The following CNTNAP2 variants were observed in gnomAD, a reference collection of about 807,000 sequenced individuals.
The protein encoded by CNTNAP2 is contactin-associated protein-like 2.
In CNTNAP2, 98 loss-of-function variants were observed where a neutral mutation model predicts 155.2. The observed-to-expected ratio is 0.63, with a 90% CI of 0.54 to 0.75. CNTNAP2 has a LOEUF of 0.75. Among genes scored for constraint, CNTNAP2 ranks in the 30% least tolerant of loss-of-function variants. CNTNAP2 has a pLI of 0.00. For missense variants in CNTNAP2, 1,727 were observed against 1,688.1 expected, an observed-to-expected ratio of 1.02 and a Z score of -0.40; for synonymous variants, 651 against 631.2, an observed-to-expected ratio of 1.03 and a Z score of -0.47.
chr7:146,327,161 GA>G (rs561088455), intron 1 of CNTNAP2, among the ~76,000 whole-genome samples: 2 of 151,510 alleles, frequency 1.3e-5, no homozygotes, highest in Non-Finnish European at 2.9e-5. Flanking sequence ...GGTATTTGAA[GA>G]AAAAAAAGAA....
chr7:147,880,480 G>A (rs765567166), intron 13 of CNTNAP2, among the ~76,000 whole-genome samples: 2 of 152,110 alleles, frequency 1.3e-5, no homozygotes, highest in Non-Finnish European at 2.9e-5. Context: ...TGATTTAAAC[G>A]TACAAATGAG....
At chr7:146,646,226 A>G (rs1178521602) in intron 1 of CNTNAP2, among the ~76,000 whole-genome samples, 1 of 152,170 alleles carries the variant, frequency 6.6e-6, no homozygotes, top group Non-Finnish European at 1.5e-5. Flanking sequence ...AATGTAGTTC[A>G]TGAACATGTT....
chr7:147,083,541 T>C (rs11977324), intron 4 of CNTNAP2, among the ~76,000 whole-genome samples: 64 of 129,222 alleles, frequency 5.0e-4, no homozygotes, highest in Admixed American at 3.1e-3. Context: ...TATATACATA[T>C]ATATATATGT....
chr7:148,297,448 GTAGAACA>G (rs1797306743), intron 21 of CNTNAP2, among the ~76,000 whole-genome samples: 1 of 152,198 alleles, frequency 6.6e-6, no homozygotes, highest in South Asian at 2.1e-4. Context: ...CCCACCTGTA[GTAGAACA>G]AATGTGGGAT....
intron 1 of CNTNAP2, among the ~76,000 whole-genome samples, chr7:146,605,055 C>A (rs1202996803): frequency 7.0e-6 from 1 of 143,258 alleles, no homozygotes; most frequent in Non-Finnish European, 1.5e-5. Context: ...GCACATGTAC[C>A]CTAAAACTTA....
chr7:146,626,559 A>G (rs1563162428), intron 1 of CNTNAP2, among the ~76,000 whole-genome samples: 1 of 152,178 alleles, frequency 6.6e-6, no homozygotes, highest in Non-Finnish European at 1.5e-5. Context: ...ACTTACTGGT[A>G]GTGAGCATAT....
At position 147,219,223 on chromosome 7, in the gene CNTNAP2, G is replaced by A. The variant is rs377639629; in HGVS notation, c.1349-80918G>A. On this transcript the variant is annotated intron_variant, in intron 8 of 23. Coordinates refer to ENST00000361727, the MANE Select transcript of CNTNAP2 (RefSeq NM_014141.6). Reference sequence around the variant, plus strand: ...AAGGGACAGAACTAATAGGCTATATGTATATATGAAGGGGAGTTTATTAGG... The same window carrying A: ...AAGGGACAGAACTAATAGGCTATATATATATATGAAGGGGAGTTTATTAGG... Among the ~76,000 whole-genome samples, 5 of 152,140 alleles carry A rather than the reference G, an allele frequency of 3.3e-5. No individual in the cohort carries two copies. The East Asian group carries it at 7.7e-4, about 23-fold the overall frequency.
At chr7:146,318,237 C>A (rs571667632) in intron 1 of CNTNAP2, among the ~76,000 whole-genome samples, 1 of 151,550 alleles carries the variant, frequency 6.6e-6, no homozygotes, top group Admixed American at 6.6e-5. Context: ...CAAAATGGAT[C>A]AGAGTTTTAC....
rs796052377 is a variant in CNTNAP2, at chr7:148,118,250, A to G, written c.2516A>G (p.Asn839Ser). ...TLTPWGVFLE[N>S]MGKEDFIKLE... ...ACCCCCTGGGGAGTGTTTCTTGAAA[A>G]TATGGGAAAGGAAGATTTCATCAAG... Residue 839 changes from asparagine (N) to serine (S), a missense_variant, in exon 16 of 24, where the codon AAT (asparagine) becomes AGT (serine). Coordinates refer to ENST00000361727, the MANE Select transcript of CNTNAP2 (RefSeq NM_014141.6). The G allele has an allele frequency of 2.5e-6, 4 of 1,614,058 alleles. No homozygotes were observed. Among genetic ancestry groups the G allele is most frequent in the Non-Finnish European group, 3.4e-6 (4 of 1,180,034 alleles).
chr7:148,230,003 G>A (rs1319496657), intron 20 of CNTNAP2, among the ~76,000 whole-genome samples: 1 of 152,148 alleles, frequency 6.6e-6, no homozygotes, highest in Non-Finnish European at 1.5e-5. Context: ...TAGAATAAAT[G>A]TTTATTCCGT....
At chr7:148,045,996 T>C (rs1802767595) in intron 15 of CNTNAP2, among the ~76,000 whole-genome samples, 1 of 152,270 alleles carries the variant, frequency 6.6e-6, no homozygotes, top group Non-Finnish European at 1.5e-5. Context: ...TAATACATTA[T>C]GATCAAAATT....
intron 14 of CNTNAP2, among the ~76,000 whole-genome samples, chr7:147,924,892 C>A (rs184067586): frequency 6.6e-6 from 1 of 151,688 alleles, no homozygotes; most frequent in African/African-American, 2.4e-5. Context: ...CCTAGGCGGG[C>A]GGATCATGAG....
chr7:147,696,121 A>T (rs1796157637), intron 13 of CNTNAP2, among the ~76,000 whole-genome samples: 1 of 152,132 alleles, frequency 6.6e-6, no homozygotes, highest in Non-Finnish European at 1.5e-5. Flanking sequence ...TTGGTTTTTT[A>T]TTCAGTCTGA....
At chr7:147,523,808 G>T (rs1279523330) in intron 11 of CNTNAP2, among the ~76,000 whole-genome samples, 1 of 152,130 alleles carries the variant, frequency 6.6e-6, no homozygotes, top group African/African-American at 2.4e-5. Flanking sequence ...ATGTACAGAT[G>T]TCTCGTATGG....
At chr7:146,999,806 A>G (rs1044403946) in intron 3 of CNTNAP2, among the ~76,000 whole-genome samples, 4 of 151,840 alleles carry the variant, frequency 2.6e-5, no homozygotes, top group Non-Finnish European at 5.9e-5. Context: ...TGCTTTCCAA[A>G]TCCTCTTTTT....
chr7:147,144,671 A>T (rs1235529997), intron 8 of CNTNAP2, among the ~76,000 whole-genome samples: 1 of 152,224 alleles, frequency 6.6e-6, no homozygotes, highest in Non-Finnish European at 1.5e-5. Context: ...CTCTATAGGA[A>T]TTATTTCCAT....
intron 1 of CNTNAP2, among the ~76,000 whole-genome samples, chr7:146,438,135 C>A (rs1042718539): frequency 6.6e-6 from 1 of 151,376 alleles, no homozygotes; most frequent in Non-Finnish European, 1.5e-5. Flanking sequence ...ATACATTATA[C>A]ATATGTATAT....
chr7:147,904,195 A>G (rs1799921308), intron 14 of CNTNAP2, among the ~76,000 whole-genome samples: 1 of 152,288 alleles, frequency 6.6e-6, no homozygotes, highest in African/African-American at 2.4e-5. Context: ...AGAAAAAATC[A>G]TTCTTTGCTC....
intron 12 of CNTNAP2, among the ~76,000 whole-genome samples, chr7:147,575,107 A>G (rs1255819002): frequency 3.2e-5 from 3 of 94,066 alleles, no homozygotes; most frequent in Non-Finnish European, 4.6e-5. Flanking sequence ...TTTGTGGGAA[A>G]TGTGTGTGTG....
Sources: allele counts gnomAD v4.1 joint callset (sites outside exome capture counted in the v4.1 genomes callset), GRCh38; gene constraint gnomAD v4.1.1; transcripts MANE v1.5; gene names NCBI Gene and HGNC (gene_info 2026-07-23, HGNC 2026-07-21).